Variants in MME observed in about 807,000 individuals in gnomAD.
The protein encoded by MME is membrane metalloendopeptidase.
A neutral mutation model predicts 113.2 loss-of-function variants in MME; 98 were observed. The ratio of observed to expected loss-of-function variants is 0.87; its 90% confidence interval spans 0.74 to 1.02. The LOEUF (loss-of-function observed/expected upper bound fraction) is 1.02, where lower values mean the gene tolerates loss of function less well. Ranked by LOEUF, MME falls within the 50% of genes least tolerant of loss-of-function variation. The pLI, the probability that MME is intolerant of heterozygous loss-of-function variation, is 0.00. For missense variants in MME, 836 were observed against 896.0 expected (o/e 0.93, Z 0.86); for synonymous variants, 292 against 300.6 (o/e 0.97, Z 0.30).
chr3:155,133,883 A>T (rs980793892), intron 8 of MME, among the ~76,000 whole-genome samples: 1 of 149,802 alleles, frequency 6.7e-6, no homozygotes, highest in Non-Finnish European at 1.5e-5. Context: ...CATTTTGTTT[A>T]TAGTCAGTAG....
chr3:155,132,517 G>T (rs890887909), intron 8 of MME, among the ~76,000 whole-genome samples: 1 of 151,972 alleles, frequency 6.6e-6, no homozygotes, highest in Admixed American at 6.6e-5. Flanking sequence ...ACTGTTACGA[G>T]TACTAGGACT....
intron 1 of MME, among the ~76,000 whole-genome samples, chr3:155,033,853 A>C (rs187252958): frequency 7.7e-4 from 117 of 152,304 alleles, no homozygotes; most frequent in African/African-American, 2.8e-3. Flanking sequence ...GCCTAATTAA[A>C]ATGTTGATAA....
chr3:155,107,531 T>C (rs975848146), intron 3 of MME, among the ~76,000 whole-genome samples: 3 of 152,204 alleles, frequency 2.0e-5, no homozygotes, highest in African/African-American at 7.2e-5. Context: ...TGTATCTTTT[T>C]CCCACTTAAT....
chr3:155,092,114 G>T (rs34549615), intron 3 of MME, among the ~76,000 whole-genome samples: 10,574 of 151,854 alleles, frequency 0.07, 446 homozygotes, highest in South Asian at 0.15. Context: ...GCCCTCAACA[G>T]ATTGGATGAT....
chr3:155,073,065 C>T (rs1353577605), intron 1 of MME, among the ~76,000 whole-genome samples: 5 of 152,092 alleles, frequency 3.3e-5, no homozygotes, highest in African/African-American at 4.8e-5. Flanking sequence ...TTATCACTAC[C>T]GGTTTCCAAC....
chr3:155,071,305 A>G (rs573199684), intron 1 of MME, among the ~76,000 whole-genome samples: 8 of 152,330 alleles, frequency 5.3e-5, no homozygotes, highest in African/African-American at 1.9e-4. Flanking sequence ...CACGTGCAGC[A>G]TGTTAGGGAG....
chr3:155,109,081 G>C (rs1717945907), intron 3 of MME, among the ~76,000 whole-genome samples: 1 of 152,196 alleles, frequency 6.6e-6, no homozygotes, highest in Non-Finnish European at 1.5e-5. Context: ...TGAGCCTCAT[G>C]AGATATCAAC....
upstream of MME, among the ~76,000 whole-genome samples, chr3:155,077,209 A>G (rs1481538702): frequency 6.6e-6 from 1 of 152,184 alleles, no homozygotes; most frequent in Non-Finnish European, 1.5e-5. Flanking sequence ...AATGGTGCAT[A>G]TAAAAATGCA....
upstream of MME, among the ~76,000 whole-genome samples, chr3:155,078,869 A>AC (rs1714878712): frequency 6.6e-6 from 1 of 151,984 alleles, no homozygotes; most frequent in African/African-American, 2.4e-5. Context: ...GTTTGTATTT[A>AC]CCCCTTTGAG....
chr3:155,179,858 A>G (rs1042015333), intron 22 of MME, among the ~76,000 whole-genome samples: 4 of 152,212 alleles, frequency 2.6e-5, no homozygotes, highest in Non-Finnish European at 5.9e-5. Flanking sequence ...ATAATCCTCT[A>G]TAAAAGCAAC....
intron 8 of MME, among the ~76,000 whole-genome samples, chr3:155,124,875 T>A (rs1284473924): frequency 6.6e-6 from 1 of 152,172 alleles, no homozygotes; most frequent in Non-Finnish European, 1.5e-5. Flanking sequence ...TCTTTTTGTT[T>A]GTCTGTGCCC....
chr3:155,143,384 T>C, intron 12 of MME, 59 bp from the exon 13 acceptor site: 1 of 1,594,392 alleles, frequency 6.3e-7, no homozygotes, highest in Non-Finnish European at 8.6e-7. Flanking sequence ...ATGTGTGCTC[T>C]TAACATGCTC....
intron 1 of MME, among the ~76,000 whole-genome samples, chr3:155,029,332 T>A (rs560527880): frequency 1.2e-4 from 19 of 152,152 alleles, no homozygotes; most frequent in Admixed American, 3.3e-4. Context: ...TCTTAAAAAA[T>A]TTTTTTCTAT....
chr3:155,040,739 T>C (rs1055330348), intron 1 of MME, among the ~76,000 whole-genome samples: 2 of 152,250 alleles, frequency 1.3e-5, no homozygotes, highest in Non-Finnish European at 2.9e-5. Context: ...AAAAAAAGAC[T>C]GGCCTATATT....
At chr3:155,075,824 TA>T (rs1451836965), upstream of MME, among the ~76,000 whole-genome samples, 3 of 152,190 alleles carry the variant, frequency 2.0e-5, no homozygotes, top group Non-Finnish European at 4.4e-5. Context: ...CCTGATTGAG[TA>T]AAGACTTCAG....
intron 3 of MME, among the ~76,000 whole-genome samples, chr3:155,102,727 A>C (rs991250842): frequency 6.6e-6 from 1 of 152,128 alleles, no homozygotes; most frequent in Admixed American, 6.5e-5. Flanking sequence ...CTACCTCAGC[A>C]AGAATGAGGT....
intron 7 of MME, among the ~76,000 whole-genome samples, chr3:155,117,359 A>G (rs927251676): frequency 1.3e-5 from 2 of 152,184 alleles, no homozygotes; most frequent in African/African-American, 4.8e-5. Context: ...AAAAAATAAT[A>G]ATTGCTTTCA....
Position 155,140,136 on chromosome 3 carries a change from T to C in MME, c.856-55T>C. On this transcript the variant is annotated intron_variant, in intron 9 of 22. Coordinates refer to ENST00000360490, the MANE Select transcript of MME (RefSeq NM_007289.4). ...ATATTTTTACCCTCATATGTAGTTA[T>C]ATTTTTCTAAAGAATTCTTAATTCT... 2.4e-6 allele frequency: 3 copies of C among 1,267,234 alleles called. No homozygotes were observed. In the Admixed American group the frequency reaches 5.3e-5, roughly 22 times the overall value. The allele number at this position is 1,267,234 out of a possible 1,614,324, so 78.5% of individuals were successfully genotyped here.
chr3:155,114,193 A>C (rs1360230705), intron 3 of MME, among the ~76,000 whole-genome samples: 3 of 152,152 alleles, frequency 2.0e-5, no homozygotes, highest in African/African-American at 7.2e-5. Flanking sequence ...GGAGGGCAGG[A>C]GCAGAATTTT....
Sources: gnomAD v4.1 joint callset for allele counts (sites outside exome capture counted in the v4.1 genomes callset) on GRCh38, gnomAD v4.1.1 for gene constraint, MANE v1.5 for transcripts, NCBI Gene and HGNC (gene_info 2026-07-23, HGNC 2026-07-21) for gene names.